Variants in PAH observed in about 807,000 individuals in gnomAD.
PAH encodes phenylalanine hydroxylase, also known as phenylalanine-4-hydroxylase.
In PAH, 64 loss-of-function variants were observed where a neutral mutation model predicts 62.0. The ratio of observed to expected loss-of-function variants is 1.03; its 90% confidence interval spans 0.84 to 1.27. The LOEUF is 1.27. PAH is among the 50% of genes most tolerant of loss of function. The probability of loss-of-function intolerance (pLI) is 0.00; values close to 1 mark genes in which losing one functional copy is unlikely to be tolerated. For synonymous variants in PAH, 195 were observed against 196.2 expected, an observed-to-expected ratio of 0.99 and a Z score of 0.05; for missense variants, 579 against 542.8, an observed-to-expected ratio of 1.07 and a Z score of -0.66.
intron 8 of PAH, among the ~76,000 whole-genome samples, chr12:102,849,045 G>C (rs926702691): frequency 2.0e-5 from 3 of 152,196 alleles, no homozygotes; most frequent in African/African-American, 7.2e-5. Flanking sequence ...GACCACTAGA[G>C]GGGGCCACTG....
At chr12:102,884,531 C>T (rs1876950925) in intron 3 of PAH, among the ~76,000 whole-genome samples, 1 of 152,124 alleles carries the variant, frequency 6.6e-6, no homozygotes, top group Non-Finnish European at 1.5e-5. Flanking sequence ...CTACTTAATT[C>T]CTGCGTCTCT....
intron 3 of PAH, among the ~76,000 whole-genome samples, chr12:102,890,089 T>C (rs1203888448): frequency 6.6e-6 from 1 of 152,214 alleles, no homozygotes; most frequent in Non-Finnish European, 1.5e-5. Context: ...AACCTTCTCT[T>C]AAGCTGTTTT....
At chr12:102,915,525 C>T (rs556364219) in intron 1 of PAH, among the ~76,000 whole-genome samples, 1 of 152,198 alleles carries the variant, frequency 6.6e-6, no homozygotes, top group African/African-American at 2.4e-5. Context: ...AAGATTTACT[C>T]TGGTCCAGTC....
chr12:102,920,560 T>A (rs548120968), upstream of PAH, among the ~76,000 whole-genome samples: 1 of 152,312 alleles, frequency 6.6e-6, no homozygotes, highest in South Asian at 2.1e-4. Flanking sequence ...AATCCATGAG[T>A]TCATGGCACA....
intron 3 of PAH, among the ~76,000 whole-genome samples, chr12:102,880,201 C>T (rs1876758468): frequency 6.6e-6 from 1 of 152,160 alleles, no homozygotes; most frequent in Admixed American, 6.5e-5. Context: ...ACCTACACTC[C>T]TCCCCAAGCT....
intron 1 of PAH, among the ~76,000 whole-genome samples, chr12:102,922,883 G>C (rs1419005764): frequency 6.6e-6 from 1 of 152,146 alleles, no homozygotes; most frequent in Non-Finnish European, 1.5e-5. Context: ...AGTGAAAGGA[G>C]GTACTAGTTA....
intron 2 of PAH, among the ~76,000 whole-genome samples, chr12:102,895,869 A>AAAAATATATATATATATATAT (rs953209518): frequency 6.7e-5 from 8 of 118,710 alleles, no homozygotes; most frequent in African/African-American, 2.8e-4. Context: ...AAAAAAAAAA[A>AAAAATATATATATATATATAT]ATATATATAT....
chr12:102,951,058 T>TG (rs5800546), upstream of PAH, among the ~76,000 whole-genome samples: 6,593 of 150,608 alleles, frequency 0.044, 183 homozygotes, highest in Middle Eastern at 0.055. Flanking sequence ...AGTTTGTGCG[T>TG]GGGGGGGGAA....
intron 11 of PAH, among the ~76,000 whole-genome samples, chr12:102,841,020 G>C (rs1204112654): frequency 6.6e-6 from 1 of 152,160 alleles, no homozygotes; most frequent in Non-Finnish European, 1.5e-5. Flanking sequence ...ACTGTCCAAT[G>C]CTCTTTACAA....
At chr12:102,937,307 G>A (rs1879136234) in intron 1 of PAH, among the ~76,000 whole-genome samples, 2 of 151,954 alleles carry the variant, frequency 1.3e-5, no homozygotes, top group Non-Finnish European at 2.9e-5. Context: ...TTATTTTTCT[G>A]GTTGTTTTGT....
intron 4 of PAH, among the ~76,000 whole-genome samples, chr12:102,872,875 G>A (rs1424111346): frequency 2.6e-5 from 4 of 152,186 alleles, no homozygotes; most frequent in Non-Finnish European, 5.9e-5. Flanking sequence ...GGCTGAGGCA[G>A]GAGAATCACT....
At chr12:102,954,518 A>C (rs1262199888), upstream of PAH, among the ~76,000 whole-genome samples, 2 of 152,224 alleles carry the variant, frequency 1.3e-5, no homozygotes, top group African/African-American at 2.4e-5. Flanking sequence ...GGTAGATACT[A>C]TAATTACTGG....
chr12:102,914,790 AC>A (rs1878325391), intron 1 of PAH, among the ~76,000 whole-genome samples: 1 of 152,208 alleles, frequency 6.6e-6, no homozygotes, highest in African/African-American at 2.4e-5. Context: ...ACTTGAATGT[AC>A]CTGGGCTTGA....
chr12:102,882,072 C>T (rs940775693), intron 3 of PAH, among the ~76,000 whole-genome samples: 1 of 152,212 alleles, frequency 6.6e-6, no homozygotes, highest in African/African-American at 2.4e-5. Context: ...CTGACATCCC[C>T]ACCAGCAGAG....
chr12:102,936,942 G>C (rs542521483), intron 1 of PAH, among the ~76,000 whole-genome samples: 2 of 152,292 alleles, frequency 1.3e-5, no homozygotes, highest in Admixed American at 1.3e-4. Flanking sequence ...GGAGGGACCT[G>C]CTGGGAGGTA....
intron 1 of PAH, among the ~76,000 whole-genome samples, chr12:102,939,540 G>T (rs1593001587): frequency 6.6e-6 from 1 of 152,140 alleles, no homozygotes; most frequent in South Asian, 2.1e-4. Context: ...TGCCCTTGCT[G>T]CTCTTGGGCT....
intron 1 of PAH, among the ~76,000 whole-genome samples, chr12:102,943,946 G>A (rs1348044270): frequency 1.3e-5 from 2 of 152,142 alleles, no homozygotes; most frequent in Non-Finnish European, 2.9e-5. Context: ...CCCTACATGG[G>A]TGACAAAATA....
At chr12:102,873,323 T>G (rs190742919) in intron 4 of PAH, among the ~76,000 whole-genome samples, 104 of 152,346 alleles carry the variant, frequency 6.8e-4, no homozygotes, top group African/African-American at 2.4e-3. Flanking sequence ...CATGAAAACT[T>G]CCCAGAAGCA....
upstream of PAH, chr12:102,917,553 C>G (rs535971161): frequency 5.8e-5 from 16 of 278,134 alleles, no homozygotes; most frequent in East Asian, 1.3e-3. Context: ...AAGCCTGCGA[C>G]CGTCTGGTAT....
Sources: gnomAD v4.1 joint callset for allele counts (sites outside exome capture counted in the v4.1 genomes callset) on GRCh38, gnomAD v4.1.1 for gene constraint, MANE v1.5 for transcripts, NCBI Gene and HGNC (gene_info 2026-07-23, HGNC 2026-07-21) for gene names.